The following SHANK2 variants were observed in gnomAD, a reference collection of about 807,000 sequenced individuals.
SHANK2 encodes the protein SH3 and multiple ankyrin repeat domains protein 2.
SHANK2 carries 43 observed loss-of-function variants against 133.7 expected under a neutral mutation model. The ratio of observed to expected loss-of-function variants is 0.32; its 90% CI spans 0.25 to 0.41. SHANK2 has a LOEUF of 0.41. SHANK2 is among the 10% of genes least tolerant of loss of function. The pLI is 1.00. For missense variants in SHANK2, 1,994 were observed against 2,235.8 expected, an observed-to-expected ratio of 0.89 and a Z score of 2.18; for synonymous variants, 1,017 against 952.8, an observed-to-expected ratio of 1.07 and a Z score of -1.24.
At chr11:71,100,837 A>G (rs999489646) in intron 6 of SHANK2, among the ~76,000 whole-genome samples, 43 of 150,310 alleles carry the variant, frequency 2.9e-4, no homozygotes, top group African/African-American at 1.0e-3. Flanking sequence ...ACTGCACTCC[A>G]GCCTGGGTGA....
At chr11:70,755,722 G>C (rs371105942) in intron 14 of SHANK2, among the ~76,000 whole-genome samples, 1 of 152,158 alleles carries the variant, frequency 6.6e-6, no homozygotes, top group East Asian at 1.9e-4. Flanking sequence ...AAGCAGGGAC[G>C]CCAGGCAGTG....
chr11:70,603,268 G>A (rs1483422656), intron 17 of SHANK2: 8 of 152,360 alleles, frequency 5.3e-5, no homozygotes, highest in Non-Finnish European at 7.3e-5. Context: ...AGTTGAGCCC[G>A]AGGCTCAGGC....
At chr11:70,731,998 A>G (rs1946300220) in intron 14 of SHANK2, among the ~76,000 whole-genome samples, 1 of 151,706 alleles carries the variant, frequency 6.6e-6, no homozygotes, top group African/African-American at 2.4e-5. Flanking sequence ...TCAGCTCCCC[A>G]TCCTCTGAAC....
intron 14 of SHANK2, among the ~76,000 whole-genome samples, chr11:70,763,189 A>C (rs782509433): frequency 6.6e-6 from 1 of 152,174 alleles, no homozygotes; most frequent in African/African-American, 2.4e-5. Flanking sequence ...TCTGCCTTGG[A>C]GGGTGGGTCT....
intron 17 of SHANK2, among the ~76,000 whole-genome samples, chr11:70,612,540 A>T (rs1554994578): frequency 6.6e-6 from 1 of 152,150 alleles, no homozygotes; most frequent in African/African-American, 2.4e-5. Context: ...ATACTTTCTG[A>T]TGGAACTTCA....
intron 17 of SHANK2, among the ~76,000 whole-genome samples, chr11:70,579,069 C>A (rs142831609): frequency 1.3e-3 from 191 of 152,224 alleles, no homozygotes; most frequent in Non-Finnish European, 2.5e-3. Flanking sequence ...TGTGCTGGAT[C>A]CAGGGGAGTA....
intron 16 of SHANK2, 150 bp from the exon 17 acceptor site, chr11:70,660,102 G>A: frequency 3.3e-6 from 3 of 897,560 alleles, no homozygotes; most frequent in East Asian, 5.2e-5. Context: ...CCCAGGAAGG[G>A]CTTGAGATTC....
chr11:70,694,698 G>A (rs2134461356), intron 15 of SHANK2, among the ~76,000 whole-genome samples: 1 of 152,284 alleles, frequency 6.6e-6, no homozygotes, highest in East Asian at 1.9e-4. Context: ...CTGCTCCATT[G>A]GAGAAGCTGG....
chr11:70,880,792 G>T (rs1949647744), intron 11 of SHANK2, among the ~76,000 whole-genome samples: 1 of 152,234 alleles, frequency 6.6e-6, no homozygotes, highest in African/African-American at 2.4e-5. Flanking sequence ...GAAGGGGCTA[G>T]GGTCCCAGCT....
At chr11:70,928,675 A>G (rs1272362396) in intron 10 of SHANK2, among the ~76,000 whole-genome samples, 1 of 152,060 alleles carries the variant, frequency 6.6e-6, no homozygotes, top group Non-Finnish European at 1.5e-5. Context: ...AGCCCCTCCA[A>G]TGGGATCCAT....
intron 2 of SHANK2, among the ~76,000 whole-genome samples, chr11:71,209,854 G>A (rs1954217146): frequency 6.6e-6 from 1 of 152,052 alleles, no homozygotes; most frequent in Non-Finnish European, 1.5e-5. Flanking sequence ...GGGCCTGCCT[G>A]GCACCCCGTG....
intron 17 of SHANK2, among the ~76,000 whole-genome samples, chr11:70,515,747 G>A (rs991258417): frequency 6.6e-6 from 1 of 151,842 alleles, no homozygotes; most frequent in Non-Finnish European, 1.5e-5. Context: ...TTGAGGCTGA[G>A]GCTGCAGCAA....
chr11:70,824,742 G>T (rs1948611825), intron 11 of SHANK2, among the ~76,000 whole-genome samples: 1 of 152,180 alleles, frequency 6.6e-6, no homozygotes, highest in South Asian at 2.1e-4. Context: ...TTGCATGGAG[G>T]CTTACAAAGA....
intron 14 of SHANK2, among the ~76,000 whole-genome samples, chr11:70,762,268 G>A (rs1276341882): frequency 3.3e-5 from 5 of 152,178 alleles, no homozygotes; most frequent in Admixed American, 1.3e-4. Flanking sequence ...TTTTTAAGCC[G>A]AAGGAAAATG....
At chr11:71,157,738 G>A (rs1193095346) in intron 2 of SHANK2, among the ~76,000 whole-genome samples, 2 of 152,210 alleles carry the variant, frequency 1.3e-5, no homozygotes, top group Non-Finnish European at 2.9e-5. Context: ...CAGCTAGCAT[G>A]AACCCACTCT....
intron 8 of SHANK2, among the ~76,000 whole-genome samples, chr11:71,085,307 T>C (rs1951363589): frequency 1.3e-5 from 2 of 150,704 alleles, no homozygotes; most frequent in Non-Finnish European, 2.9e-5. Flanking sequence ...AAATACAAAA[T>C]TAGCTGGGCG....
intron 10 of SHANK2, among the ~76,000 whole-genome samples, chr11:70,949,699 G>A (rs1228044289): frequency 6.6e-6 from 1 of 152,162 alleles, no homozygotes; most frequent in Non-Finnish European, 1.5e-5. Flanking sequence ...CCACACACTC[G>A]CTGGCACTGC....
intron 11 of SHANK2, among the ~76,000 whole-genome samples, chr11:70,893,681 C>A (rs1393720593): frequency 3.9e-5 from 6 of 152,138 alleles, no homozygotes; most frequent in African/African-American, 1.4e-4. Flanking sequence ...TTTGTAGATG[C>A]ACAAGGAACC....
At chr11:70,554,882 T>C (rs1433318357) in intron 17 of SHANK2, among the ~76,000 whole-genome samples, 4 of 145,652 alleles carry the variant, frequency 2.7e-5, no homozygotes, top group African/African-American at 1.0e-4. Context: ...CTCACTTCAT[T>C]GCACTTCACG....
Sources: allele counts gnomAD v4.1 joint callset (sites outside exome capture counted in the v4.1 genomes callset), GRCh38; gene constraint gnomAD v4.1.1; transcripts MANE v1.5; gene names NCBI Gene and HGNC (gene_info 2026-07-23, HGNC 2026-07-21).